CTNNA2: variants seen among roughly 807,000 people sequenced by gnomAD.
CTNNA2 encodes catenin alpha 2, also known as catenin alpha-2.
A neutral mutation model predicts 101.0 loss-of-function variants in CTNNA2; 42 were observed. The ratio of observed to expected loss-of-function variants is 0.42; its 90% CI spans 0.32 to 0.54. The LOEUF (loss-of-function observed/expected upper bound fraction) is 0.54. CTNNA2 is among the 20% of genes least tolerant of loss of function. CTNNA2 has a pLI of 0.14. For missense variants in CTNNA2, 871 were observed against 1,223.1 expected (o/e 0.71, Z 4.29); for synonymous variants, 450 against 456.4 (o/e 0.99, Z 0.18).
chr2:80,382,379 A>C (rs780420641), intron 7 of CTNNA2, among the ~76,000 whole-genome samples: 1 of 152,196 alleles, frequency 6.6e-6, no homozygotes, highest in African/African-American at 2.4e-5. Context: ...AAAAATGCTC[A>C]TGACAAGTTT....
At chr2:79,618,112 C>T (rs1220283297) in intron 1 of CTNNA2, among the ~76,000 whole-genome samples, 1 of 152,132 alleles carries the variant, frequency 6.6e-6, no homozygotes, top group Non-Finnish European at 1.5e-5. Flanking sequence ...GGTAATCCAG[C>T]GTTAAGCCAT....
rs143382722 is a variant in CTNNA2, at chr2:79,995,924, A to T, written c.1056+86127A>T. Among the ~76,000 whole-genome samples, 24 of 152,238 alleles carry T rather than the reference A, an allele frequency of 1.6e-4. No homozygotes were observed. In the East Asian group the frequency reaches 3.9e-3, roughly 25 times the overall value. ...GATACAACTATTGGGTGGAGACTCA[A>T]TTTTTTCAAGAAGCTACCTATTTTT... On this transcript the variant is annotated intron_variant, in intron 7 of 18. Coordinates refer to ENST00000402739, the MANE Select transcript of CTNNA2 (RefSeq NM_001282597.3).
chr2:79,701,436 C>T (rs1684995582), intron 2 of CTNNA2, among the ~76,000 whole-genome samples: 1 of 152,126 alleles, frequency 6.6e-6, no homozygotes, highest in African/African-American at 2.4e-5. Context: ...CCCCTTGTCA[C>T]TGTAATGTTC....
chr2:79,731,845 T>C (rs999000375), intron 2 of CTNNA2, among the ~76,000 whole-genome samples: 1 of 151,806 alleles, frequency 6.6e-6, no homozygotes, highest in Non-Finnish European at 1.5e-5. Flanking sequence ...TTTGTTTTTT[T>C]TTTTTACCAT....
At chr2:80,193,507 G>T (rs1257635314) in intron 7 of CTNNA2, among the ~76,000 whole-genome samples, 2 of 152,212 alleles carry the variant, frequency 1.3e-5, no homozygotes, top group Non-Finnish European at 2.9e-5. Flanking sequence ...TACAGATGCA[G>T]AAATTGAGGC....
intron 12 of CTNNA2, among the ~76,000 whole-genome samples, 159 bp downstream of exon 12, chr2:80,556,052 GTTTGAA>G (rs1693002651): frequency 6.6e-6 from 1 of 152,114 alleles, no homozygotes. Context: ...TGTTTTTTGA[GTTTGAA>G]TTTGAATAAT....
intron 9 of CTNNA2, among the ~76,000 whole-genome samples, chr2:80,530,516 C>A (rs1558554147): frequency 6.6e-6 from 1 of 152,092 alleles, no homozygotes; most frequent in Non-Finnish European, 1.5e-5. Context: ...AGTGGGGAGA[C>A]CTTCCTGATG....
intron 7 of CTNNA2, among the ~76,000 whole-genome samples, chr2:80,007,750 A>G (rs1693475588): frequency 6.6e-6 from 1 of 152,164 alleles, no homozygotes; most frequent in Non-Finnish European, 1.5e-5. Flanking sequence ...GAAGTGAGAG[A>G]AGGGGTAAGG....
At chr2:80,352,503 A>G (rs1325115514) in intron 7 of CTNNA2, among the ~76,000 whole-genome samples, 2 of 152,164 alleles carry the variant, frequency 1.3e-5, no homozygotes, top group African/African-American at 2.4e-5. Flanking sequence ...GATTCAGGCA[A>G]TGAGTCTAAT....
At chr2:80,017,067 C>T (rs1694200718) in intron 7 of CTNNA2, among the ~76,000 whole-genome samples, 1 of 152,100 alleles carries the variant, frequency 6.6e-6, no homozygotes, top group Non-Finnish European at 1.5e-5. Flanking sequence ...AACGTTGGGC[C>T]AACTGGGAGG....
At chr2:80,084,166 G>A (rs185089516) in intron 7 of CTNNA2, among the ~76,000 whole-genome samples, 139 of 152,236 alleles carry the variant, frequency 9.1e-4, no homozygotes, top group Non-Finnish European at 1.5e-3. Context: ...GGATTTAGGA[G>A]CAACTCAGAA....
chr2:80,594,459 T>A (rs1048661184), intron 15 of CTNNA2, among the ~76,000 whole-genome samples: 1 of 152,104 alleles, frequency 6.6e-6, no homozygotes, highest in African/African-American at 2.4e-5. Context: ...TATTGGTTTC[T>A]TTTTCACTAT....
At chr2:79,295,781 A>T (rs1278863318) in intron 2 of CTNNA2, among the ~76,000 whole-genome samples, 1 of 152,120 alleles carries the variant, frequency 6.6e-6, no homozygotes, top group Non-Finnish European at 1.5e-5. Context: ...TCTTTAGGAC[A>T]TCCTCTCAAG....
intron 7 of CTNNA2, among the ~76,000 whole-genome samples, chr2:80,051,669 G>A (rs1415420227): frequency 6.6e-6 from 1 of 152,116 alleles, no homozygotes; most frequent in Non-Finnish European, 1.5e-5. Context: ...AGTGAAGGGA[G>A]TTGATAGGAA....
chr2:80,357,981 G>A (rs1674003818), intron 7 of CTNNA2, among the ~76,000 whole-genome samples: 1 of 152,052 alleles, frequency 6.6e-6, no homozygotes, highest in African/African-American at 2.4e-5. Flanking sequence ...GATATAAGTG[G>A]GGCTGCCTAA....
chr2:79,544,819 G>A (rs531993024), intron 1 of CTNNA2, among the ~76,000 whole-genome samples: 14 of 152,130 alleles, frequency 9.2e-5, no homozygotes, highest in African/African-American at 3.1e-4. Context: ...TTGAGCTCTG[G>A]GTGAACTTCC....
At chr2:79,368,038 G>A (rs922495087) in intron 3 of CTNNA2, among the ~76,000 whole-genome samples, 2 of 152,102 alleles carry the variant, frequency 1.3e-5, no homozygotes, top group Non-Finnish European at 2.9e-5. Flanking sequence ...AATAAAAGAT[G>A]ACAATGGTTA....
At chr2:80,577,317 G>C (rs769776353) in intron 13 of CTNNA2, among the ~76,000 whole-genome samples, 1 of 152,062 alleles carries the variant, frequency 6.6e-6, no homozygotes, top group Non-Finnish European at 1.5e-5. Context: ...GGTGGGCATG[G>C]ATCTCATGAA....
intron 1 of CTNNA2, among the ~76,000 whole-genome samples, chr2:79,585,237 A>G (rs1676406763): frequency 6.6e-6 from 1 of 151,660 alleles, no homozygotes; most frequent in South Asian, 2.1e-4. Flanking sequence ...TTATCTCTTA[A>G]TGTTTGCAGT....
Sources: allele counts gnomAD v4.1 joint callset (sites outside exome capture counted in the v4.1 genomes callset), GRCh38; gene constraint gnomAD v4.1.1; transcripts MANE v1.5; gene names NCBI Gene and HGNC (gene_info 2026-07-23, HGNC 2026-07-21).